Variants in ATP13A5 observed in about 807,000 individuals in gnomAD.
ATP13A5 encodes the protein ATPase 13A5.
ATP13A5 carries 149 observed loss-of-function variants against 150.2 expected under a neutral mutation model. That is an observed-to-expected ratio of 0.99 (90% CI 0.87 to 1.14). The LOEUF (loss-of-function observed/expected upper bound fraction) is 1.14, where lower values mean the gene tolerates loss of function less well. Ranked by LOEUF, ATP13A5 falls within the 50% of genes most tolerant of loss-of-function variation. The pLI, the probability that ATP13A5 is intolerant of heterozygous loss-of-function variation, is 0.00. For missense variants in ATP13A5, 1,383 were observed against 1,449.3 expected (o/e 0.95, Z 0.74); for synonymous variants, 497 against 522.2 (o/e 0.95, Z 0.66).
rs145190383 is a variant in ATP13A5 at position 193,334,452 on chromosome 3, CAG to C, written c.1114+475_1114+476del. Among the ~76,000 whole-genome samples the C allele has an allele frequency of 7.4e-4, 112 of 152,276 alleles. No homozygotes were observed. In the East Asian group the frequency reaches 0.019, roughly 26 times the overall value. On this transcript the variant is annotated intron_variant, in intron 10 of 29. Coordinates refer to ENST00000342358, the MANE Select transcript of ATP13A5 (RefSeq NM_198505.4). The stretch of plus-strand genomic sequence containing the variant: ...ACCAGCATGATGGTGATGATATTAA[CAG>C]AGAAAGTCAATACAGGAGGATGAAT...
At chr3:193,332,678 C>T (rs1174413989) in intron 11 of ATP13A5, among the ~76,000 whole-genome samples, 2 of 152,022 alleles carry the variant, frequency 1.3e-5, no homozygotes, top group Non-Finnish European at 2.9e-5. Context: ...ACCACAGACA[C>T]GGAAGAGTTT....
At chr3:193,363,424 T>A in intron 2 of ATP13A5, 42 bp from the exon 3 acceptor site, 1 of 1,578,806 alleles carries the variant, frequency 6.3e-7, no homozygotes, top group Non-Finnish European at 8.6e-7. Flanking sequence ...CAAGTGTTAT[T>A]CAGTAAGGTG....
Position 193,314,558 on chromosome 3 carries a change from G to T in ATP13A5, c.2159-365C>A, listed in dbSNP as rs145959682. On this transcript the variant is annotated intron_variant, in intron 18 of 29. Coordinates refer to ENST00000342358, the MANE Select transcript of ATP13A5 (RefSeq NM_198505.4). ...GGGATCTGGAAACTAACTAAGCAAA[G>T]AACACACAGGGTCAGGCTGTGCTTG... Among the ~76,000 whole-genome samples the T allele has an allele frequency of 1.3e-3, 203 of 152,264 alleles. 2 individuals carry two copies. The highest frequency in any genetic ancestry group is 4.5e-3 in the African/African-American group (189 of 41,566).
chr3:193,354,054 G>A (rs1407427067), intron 6 of ATP13A5, 73 bp downstream of exon 6: 20 of 1,237,878 alleles, frequency 1.6e-5, no homozygotes, highest in Non-Finnish European at 2.2e-5. Context: ...GTATTTATGT[G>A]TTCCTTCTAG....
At chr3:193,344,648 A>T (rs1577361552) in intron 8 of ATP13A5, among the ~76,000 whole-genome samples, 1 of 152,320 alleles carries the variant, frequency 6.6e-6, no homozygotes. Flanking sequence ...AAGAAGGTTT[A>T]CCCAATGTTA....
At chr3:193,372,878 G>A (rs2108586162) in intron 1 of ATP13A5, among the ~76,000 whole-genome samples, 1 of 152,220 alleles carries the variant, frequency 6.6e-6, no homozygotes, top group African/African-American at 2.4e-5. Context: ...CACCTATATT[G>A]TTGTTCTTCC....
In ATP13A5 at chr3:193,375,134, G is replaced by A. The variant is rs151299440; in HGVS notation, c.63+3529C>T. Among the ~76,000 whole-genome samples the A allele has an allele frequency of 9.3e-4, 142 of 152,286 alleles. No individual in the cohort carries two copies. In the Middle Eastern group the frequency reaches 0.01, roughly 11 times the overall value. On this transcript the variant is annotated intron_variant, in intron 1 of 29. Transcript: ENST00000342358. ...TTTGAGAAGCCCTGCTGTTACCTGTGTACCCGTTTCACCCAGTATTTCTCA... is the reference window on the plus strand; with the variant it reads ...TTTGAGAAGCCCTGCTGTTACCTGTATACCCGTTTCACCCAGTATTTCTCA...
chr3:193,280,035 C>T (rs1174971727), intron 27 of ATP13A5, among the ~76,000 whole-genome samples: 1 of 133,896 alleles, frequency 7.5e-6, no homozygotes, highest in Non-Finnish European at 1.6e-5. Context: ...AATAATCTTC[C>T]TGTCTTGGCA....
At chr3:193,373,303 A>G (rs1193090997) in intron 1 of ATP13A5, among the ~76,000 whole-genome samples, 4 of 152,004 alleles carry the variant, frequency 2.6e-5, no homozygotes, top group African/African-American at 4.8e-5. Context: ...ATGCCCAGCT[A>G]ATTTTTTTTC....
Position 193,275,317 on chromosome 3 carries a change from G to A in ATP13A5, c.3397-15C>T. ...AGGATGGAATCCTGAAAAATCAGATGGGAAAACAATCAATTTATTGCGCAG... is the reference window on the plus strand; with the variant it reads ...AGGATGGAATCCTGAAAAATCAGATAGGAAAACAATCAATTTATTGCGCAG... On this transcript the variant is annotated splice_polypyrimidine_tract_variant and intron_variant, in intron 29 of 29. Transcript: ENST00000342358. The A allele has an allele frequency of 6.2e-7, 1 of 1,610,496 alleles. No individual in the cohort carries two copies. The highest frequency in any genetic ancestry group is 8.5e-7 in the Non-Finnish European group (1 of 1,179,362).
At chr3:193,370,098 T>G (rs1713389370) in intron 1 of ATP13A5, among the ~76,000 whole-genome samples, 1 of 152,232 alleles carries the variant, frequency 6.6e-6, no homozygotes, top group Non-Finnish European at 1.5e-5. Context: ...TTGATTTGTA[T>G]TCTGTCTAAG....
At chr3:193,309,928 C>G (rs139630595) in intron 21 of ATP13A5, among the ~76,000 whole-genome samples, 9 of 152,112 alleles carry the variant, frequency 5.9e-5, no homozygotes, top group African/African-American at 1.4e-4. Context: ...CGAGGGAACT[C>G]ATGTCACGGA....
intron 21 of ATP13A5, among the ~76,000 whole-genome samples, chr3:193,309,068 A>G (rs986231966): frequency 2.0e-5 from 3 of 152,096 alleles, no homozygotes; most frequent in African/African-American, 7.2e-5. Flanking sequence ...TCACTACCCT[A>G]TGTTCCTTTT....
At chr3:193,327,124 A>C in intron 12 of ATP13A5, 67 bp from the exon 13 acceptor site, 4 of 1,388,332 alleles carry the variant, frequency 2.9e-6, no homozygotes, top group Non-Finnish European at 3.9e-6. Context: ...TAATTTAAAC[A>C]AAACCCAAGT....
chr3:193,313,851 TCC>T, intron 19 of ATP13A5, 180 bp downstream of exon 19: 1 of 650,178 alleles, frequency 1.5e-6, no homozygotes, highest in Admixed American at 3.1e-5. Context: ...GCTTAGAAAC[TCC>T]CCCAGGTGAT....
chr3:193,350,845 A>C (rs1712536481), intron 7 of ATP13A5, among the ~76,000 whole-genome samples: 1 of 152,168 alleles, frequency 6.6e-6, no homozygotes, highest in African/African-American at 2.4e-5. Context: ...TTCTAAACAA[A>C]GCATTCGATG....
rs181041491 is a variant in ATP13A5 at position 193,282,667 on chromosome 3, G to A, written c.3226+2247C>T. On this transcript the variant is annotated intron_variant, in intron 27 of 29. Coordinates refer to ENST00000342358, the MANE Select transcript of ATP13A5 (RefSeq NM_198505.4). Reference sequence around the variant, plus strand: ...GCTGGGATTACAGGCATGAGCCACCGCGTCTGGCCCAATTAGTTTCTTAAA... The same window carrying A: ...GCTGGGATTACAGGCATGAGCCACCACGTCTGGCCCAATTAGTTTCTTAAA... 7.2e-5 allele frequency among the ~76,000 whole-genome samples: 11 copies of A among 152,316 alleles called. No homozygotes were observed. In the East Asian group the frequency reaches 7.7e-4, roughly 11 times the overall value.
At chr3:193,285,194 C>T in intron 26 of ATP13A5, 78 bp from the exon 27 acceptor site, 2 of 1,210,394 alleles carry the variant, frequency 1.7e-6, no homozygotes, top group East Asian at 2.4e-5. Context: ...ATAATTTAAT[C>T]ACTACCATGG....
chr3:193,335,054 T>C lies in ATP13A5; in HGVS notation c.989A>G (p.Asn330Ser). ...VTKTPLPQME[N>S]TMPWKCHSLE... Reference sequence around the variant, plus strand: ...ACTGTGACATTTCCAAGGCATAGTGTTCTCCATCTGGGGCAATGGTGTCTT... The same window carrying C: ...ACTGTGACATTTCCAAGGCATAGTGCTCTCCATCTGGGGCAATGGTGTCTT... Residue 330 changes from asparagine to serine, a missense_variant, in exon 10 of 30, where the codon AAC (asparagine) becomes AGC (serine). Physicochemically the swap from Asn to Ser is conservative, Grantham distance 46. This residue lies in a region of ATP13A5 where 787 missense variants were observed against 771.9 expected (regional missense o/e 1.02). Transcript: ENST00000342358. 1.2e-6 allele frequency: 2 copies of C among 1,613,970 alleles called. No homozygotes were observed. The highest frequency in any genetic ancestry group is 1.1e-5 in the South Asian group (1 of 91,072).
Sources: gnomAD v4.1 joint callset for allele counts (sites outside exome capture counted in the v4.1 genomes callset) on GRCh38, gnomAD v4.1.1 for gene constraint, gnomAD v4.1.1 regional missense constraint, MANE v1.5 for transcripts, NCBI Gene and HGNC (gene_info 2026-07-23, HGNC 2026-07-21) for gene names.